Variants in RBFOX1 observed in about 807,000 individuals in gnomAD.
The protein encoded by RBFOX1 is RNA binding fox-1 homolog 1.
In RBFOX1, 8 loss-of-function variants were observed where a neutral mutation model predicts 57.7. The observed-to-expected ratio is 0.14, with a 90% CI of 0.08 to 0.25. The LOEUF is 0.25. RBFOX1 is among the 10% of genes least tolerant of loss of function. RBFOX1 has a pLI of 1.00. For missense variants in RBFOX1, 611 were observed against 548.5 expected, an observed-to-expected ratio of 1.11 and a Z score of -1.14; for synonymous variants, 326 against 222.4, an observed-to-expected ratio of 1.47 and a Z score of -4.15.
intron 2 of RBFOX1, among the ~76,000 whole-genome samples, chr16:6,627,050 AACC>A (rs2154053221): frequency 6.6e-6 from 1 of 152,290 alleles, no homozygotes; most frequent in African/African-American, 2.4e-5. Flanking sequence ...CTTCTGAAAG[AACC>A]AGGGTTCTAG....
intron 4 of RBFOX1, among the ~76,000 whole-genome samples, chr16:5,942,141 G>T (rs1480582001): frequency 6.6e-6 from 1 of 152,066 alleles, no homozygotes; most frequent in African/African-American, 2.4e-5. Flanking sequence ...CTAGACAGGG[G>T]GAGTGCAATA....
At chr16:7,708,029 C>A (rs567866760) in intron 14 of RBFOX1, among the ~76,000 whole-genome samples, 1 of 152,142 alleles carries the variant, frequency 6.6e-6, no homozygotes, top group Admixed American at 6.5e-5. Context: ...GGACCAAGCA[C>A]GCAAGTTGCC....
At chr16:5,998,386 G>T (rs1407430928) in intron 4 of RBFOX1, among the ~76,000 whole-genome samples, 2 of 152,188 alleles carry the variant, frequency 1.3e-5, no homozygotes, top group Non-Finnish European at 2.9e-5. Context: ...AATAGAGTGA[G>T]GAATTATCAA....
intron 3 of RBFOX1, among the ~76,000 whole-genome samples, chr16:5,867,106 C>A (rs567685042): frequency 1.4e-3 from 209 of 151,860 alleles, no homozygotes; most frequent in African/African-American, 4.8e-3. Flanking sequence ...ATTAACAGGG[C>A]TGGATAAACA....
intron 1 of RBFOX1, chr16:5,260,918 A>G (rs1220541940): frequency 6.6e-6 from 1 of 152,214 alleles, no homozygotes; most frequent in Non-Finnish European, 1.5e-5. Flanking sequence ...TATGAAGATG[A>G]CACCCATTGT....
intron 2 of RBFOX1, among the ~76,000 whole-genome samples, chr16:6,429,502 C>G (rs1010416823): frequency 6.6e-5 from 10 of 152,306 alleles, no homozygotes; most frequent in African/African-American, 2.4e-4. Flanking sequence ...CCATGTGCAC[C>G]TCTTTGTCTG....
At chr16:7,420,912 C>CATAT (rs572840849) in intron 4 of RBFOX1, among the ~76,000 whole-genome samples, 21 of 141,064 alleles carry the variant, frequency 1.5e-4, no homozygotes, top group South Asian at 4.5e-4. Context: ...CATATATATA[C>CATAT]ATATATATAT....
At chr16:6,348,418 C>G (rs140150761) in intron 2 of RBFOX1, among the ~76,000 whole-genome samples, 6 of 152,172 alleles carry the variant, frequency 3.9e-5, no homozygotes, top group Non-Finnish European at 2.9e-5. Context: ...AAATGCTGCC[C>G]TTACGTCAGG....
intron 1 of RBFOX1, among the ~76,000 whole-genome samples, chr16:5,355,433 G>A (rs2065363628): frequency 6.6e-6 from 1 of 152,196 alleles, no homozygotes; most frequent in African/African-American, 2.4e-5. Context: ...ACCTCTTGAT[G>A]TAAGGTGTCA....
intron 3 of RBFOX1, among the ~76,000 whole-genome samples, chr16:5,631,668 G>C (rs2048512295): frequency 2.0e-5 from 3 of 151,976 alleles, no homozygotes; most frequent in African/African-American, 7.3e-5. Flanking sequence ...CCACCTCCTA[G>C]AACGGAAGCT....
At chr16:6,250,175 C>T (rs2097597161) in intron 1 of RBFOX1, among the ~76,000 whole-genome samples, 1 of 152,146 alleles carries the variant, frequency 6.6e-6, no homozygotes, top group South Asian at 2.1e-4. Flanking sequence ...TAGTTGCTTG[C>T]TTTCACCAGG....
At chr16:5,314,829 G>GAAAAAA (rs35632580) in intron 1 of RBFOX1, among the ~76,000 whole-genome samples, 1 of 139,454 alleles carries the variant, frequency 7.2e-6, no homozygotes, top group Non-Finnish European at 1.5e-5. Context: ...GAAGATATTG[G>GAAAAAA]AAAAAAAAAA....
chr16:7,180,155 C>A (rs535382588), intron 4 of RBFOX1, among the ~76,000 whole-genome samples: 1 of 152,016 alleles, frequency 6.6e-6, no homozygotes, highest in Non-Finnish European at 1.5e-5. Context: ...TTCTGCCTTG[C>A]AGAACTATTA....
chr16:5,317,119 C>T (rs2151237753), intron 1 of RBFOX1, among the ~76,000 whole-genome samples: 1 of 152,230 alleles, frequency 6.6e-6, no homozygotes, highest in East Asian at 1.9e-4. Context: ...CCTGGTTTTC[C>T]AGCATGTAGA....
intron 5 of RBFOX1, among the ~76,000 whole-genome samples, chr16:7,562,664 T>G (rs2090680816): frequency 6.6e-6 from 1 of 152,176 alleles, no homozygotes; most frequent in Non-Finnish European, 1.5e-5. Context: ...TTTGATTTCA[T>G]TAGCTGCCTT....
At chr16:7,050,682 T>A (rs2153727225) in intron 3 of RBFOX1, among the ~76,000 whole-genome samples, 1 of 152,350 alleles carries the variant, frequency 6.6e-6, no homozygotes, top group East Asian at 1.9e-4. Flanking sequence ...CTTTTGAACA[T>A]TTTTCATATC....
At chr16:7,260,066 C>G (rs188198921) in intron 4 of RBFOX1, among the ~76,000 whole-genome samples, 1 of 152,124 alleles carries the variant, frequency 6.6e-6, no homozygotes, top group East Asian at 1.9e-4. Flanking sequence ...TGTCTATTCA[C>G]TGTTTTGTTT....
intron 2 of RBFOX1, among the ~76,000 whole-genome samples, chr16:5,547,231 C>G (rs1164476469): frequency 1.3e-5 from 2 of 152,178 alleles, no homozygotes; most frequent in Non-Finnish European, 2.9e-5. Flanking sequence ...GTCATGTCAT[C>G]TAGCCATTTC....
chr16:6,006,424 C>T (rs927441111), intron 4 of RBFOX1, among the ~76,000 whole-genome samples: 2 of 151,584 alleles, frequency 1.3e-5, no homozygotes, highest in Non-Finnish European at 2.9e-5. Context: ...AGTTAGTAGT[C>T]AGTAGAATAT....
Sources: allele counts gnomAD v4.1 joint callset (sites outside exome capture counted in the v4.1 genomes callset), GRCh38; gene constraint gnomAD v4.1.1; transcripts MANE v1.5; gene names NCBI Gene and HGNC (gene_info 2026-07-23, HGNC 2026-07-21).